ZNF184: variants seen among roughly 807,000 people sequenced by gnomAD.
ZNF184 encodes zinc finger protein 184, also known as zinc finger protein 184 (Kruppel-like).
In ZNF184, 16 loss-of-function variants were observed where a neutral mutation model predicts 54.4. The ratio of observed to expected loss-of-function variants is 0.29; its 90% CI spans 0.20 to 0.45. The LOEUF (loss-of-function observed/expected upper bound fraction) is 0.45. Among genes scored for constraint, ZNF184 ranks in the 20% least tolerant of loss-of-function variants. The pLI is 1.00. For missense variants in ZNF184, 681 were observed against 888.2 expected, an observed-to-expected ratio of 0.77 and a Z score of 2.97; for synonymous variants, 254 against 295.3, an observed-to-expected ratio of 0.86 and a Z score of 1.43.
At chr6:27,424,023 C>T in the ZNF184 span, among the ~76,000 whole-genome samples, 15,251 of 152,058 alleles carry the variant, frequency 0.1, 1,042 homozygotes, top group African/African-American at 0.18. Context: ...AGAATGAAGC[C>T]ACGAACCCTC....
chr6:27,406,241 C>G, the ZNF184 span: 2 of 152,300 alleles, frequency 1.3e-5, no homozygotes, highest in South Asian at 4.1e-4. Flanking sequence ...GTTCTGTTGT[C>G]AAACGGTCCA....
chr6:27,438,296 T>C, the ZNF184 span, among the ~76,000 whole-genome samples: 1 of 152,226 alleles, frequency 6.6e-6, no homozygotes, highest in African/African-American at 2.4e-5. Flanking sequence ...AATTATATTA[T>C]ATTTGTATCT....
rs1762781170 is a variant in ZNF184, at chr6:27,453,305, A to G, written c.299-45T>C. 6.7e-7 allele frequency: 1 copy of G among 1,493,136 alleles called. No homozygotes were observed. Among genetic ancestry groups the G allele is most frequent in the Non-Finnish European group, 8.9e-7 (1 of 1,119,228 alleles). 92.5% of individuals were successfully genotyped at this position (1,493,136 alleles called of 1,614,324 possible). On this transcript the variant is annotated intron_variant, in intron 5 of 5. Coordinates refer to ENST00000683788, the MANE Select transcript of ZNF184 (RefSeq NM_001318891.2). This position sits in a 1 kb window ranked among gnomAD's most constrained non-coding sequence, Gnocchi z 4.7. ...CCAGTGTTCTCTGAATAGAGAAAAA[A>G]TAAACTGCTATTGTGGGAATAATAT... is the stretch of plus-strand genomic sequence containing the variant.
At chr6:27,468,815 A>T (rs1354525164) in intron 2 of ZNF184, among the ~76,000 whole-genome samples, 2 of 152,176 alleles carry the variant, frequency 1.3e-5, no homozygotes, top group Non-Finnish European at 2.9e-5. Flanking sequence ...AACCAACCAA[A>T]CTGATCTACA....
the ZNF184 span, among the ~76,000 whole-genome samples, chr6:27,422,144 A>AG: frequency 7.1e-5 from 3 of 42,306 alleles, no homozygotes; most frequent in African/African-American, 1.1e-4. Context: ...GTACCTCAAA[A>AG]AAAAAAAGAA....
In ZNF184 at chr6:27,451,682, C is replaced by T; in HGVS notation, c.1877G>A (p.Cys626Tyr). 1 of 1,613,978 alleles carries T rather than the reference C, an allele frequency of 6.2e-7. No homozygotes were observed. Among genetic ancestry groups the T allele is most frequent in the South Asian group, 1.1e-5 (1 of 91,062 alleles). The change falls in exon 6 of 6, where the codon TGT (cysteine) becomes TAT (tyrosine). Residue 626 changes from cysteine to tyrosine, a missense_variant. Coordinates refer to ENST00000683788, the MANE Select transcript of ZNF184 (RefSeq NM_001318891.2). ...TTTTTGATGTTGAGCAAGAGATGAACAATGTCGAAAGGCTTTACCACACTC... is the reference window on the plus strand; with the variant it reads ...TTTTTGATGTTGAGCAAGAGATGAATAATGTCGAAAGGCTTTACCACACTC... The part of the protein sequence containing the change: ...CAECGKAFRH[C>Y]SSLAQHQKTH...
In ZNF184 at chr6:27,472,818, C is replaced by G. The variant is rs1309054648; in HGVS notation, c.-229G>C. ...TTAGGCCAGAACAAAAGAACAAAGC[C>G]CTCCAAGGGATCAGGGCGGGACCGC... On this transcript the variant is annotated 5_prime_UTR_variant, in exon 1 of 6. Transcript: ENST00000683788. This position sits in a 1 kb window ranked among gnomAD's most constrained non-coding sequence, Gnocchi z 4.8. 6.5e-6 allele frequency: 1 copy of G among 153,324 alleles called. No homozygotes were observed. Among genetic ancestry groups the G allele is most frequent in the Non-Finnish European group, 1.5e-5 (1 of 68,708 alleles). The allele number at this position is 153,324 out of a possible 1,614,324, so 9.5% of individuals were successfully genotyped here. A position where few individuals can be genotyped will look rare whatever the true frequency, so the allele number is the denominator to read the frequency against.
chr6:27,449,786 T>C (rs1344592501), downstream of ZNF184, among the ~76,000 whole-genome samples: 1 of 152,094 alleles, frequency 6.6e-6, no homozygotes, highest in Non-Finnish European at 1.5e-5. Context: ...TTAACTTTGC[T>C]CTACTCTCTC....
chr6:27,422,180 G>GAAAGAAAGAAAGAA, the ZNF184 span, among the ~76,000 whole-genome samples: 1 of 27,644 alleles, frequency 3.6e-5, no homozygotes, highest in Admixed American at 4.9e-4. Context: ...AAGAAAGAAA[G>GAAAGAAAGAAAGAA]AAAGAAAGAA....
rs917275639 is a variant in ZNF184, at chr6:27,457,507, T to C, written c.76-98A>G. ...CAGAAGTAAGGCAGTCTATAGGATGTCTGCAAAATAATCTTGACATTTTCT... is the reference window on the plus strand; with the variant it reads ...CAGAAGTAAGGCAGTCTATAGGATGCCTGCAAAATAATCTTGACATTTTCT... On this transcript the variant is annotated intron_variant, in intron 3 of 5. Transcript: ENST00000683788. 1.5e-5 allele frequency: 19 copies of C among 1,307,468 alleles called. No individual in the cohort carries two copies. The African/African-American group carries it at 2.4e-4, about 16-fold the overall frequency. The allele number at this position is 1,307,468 out of a possible 1,614,324, so 81.0% of individuals were successfully genotyped here.
rs1561834240 is a variant in ZNF184 at position 27,451,306 on chromosome 6, T to C, written c.2253A>G (p.Ile751Met). 1 of 1,583,636 alleles carries C rather than the reference T, an allele frequency of 6.3e-7. No homozygotes were observed. The highest frequency in any genetic ancestry group is 8.6e-7 in the Non-Finnish European group (1 of 1,165,802). ...LNKHQRLHPGI is the reference protein window; with the variant it reads ...LNKHQRLHPGM ...ATTTATGATGTTCCTAGAATTGTCA[T>C]ATGCCAGGATGCAGTCTCTGATGTT... The change falls in exon 6 of 6, where the codon ATA becomes ATG. Residue 751 changes from isoleucine to methionine, a missense_variant. By Grantham distance (10) the Ile-to-Met change is conservative (BLOSUM62 1). Coordinates refer to ENST00000683788, the MANE Select transcript of ZNF184 (RefSeq NM_001318891.2).
chr6:27,414,985 T>C, the ZNF184 span, among the ~76,000 whole-genome samples: 8 of 152,184 alleles, frequency 5.3e-5, no homozygotes, highest in Non-Finnish European at 1.2e-4. Flanking sequence ...GGCTGTTTCC[T>C]AAAATGTAAA....
the ZNF184 span, among the ~76,000 whole-genome samples, chr6:27,432,983 G>A: frequency 3.3e-5 from 5 of 152,306 alleles, no homozygotes; most frequent in East Asian, 9.6e-4. This position sits in a 1 kb window ranked among gnomAD's most constrained non-coding sequence, Gnocchi z 4.0. Flanking sequence ...TTTGGCCTAT[G>A]GCAAAACTAG....
At chr6:27,409,510 A>C in the ZNF184 span, among the ~76,000 whole-genome samples, 3 of 139,930 alleles carry the variant, frequency 2.1e-5, no homozygotes, top group Non-Finnish European at 3.0e-5. Context: ...AAAAAAAAAA[A>C]AAAAAAAAAA....
chr6:27,424,730 G>A, the ZNF184 span, among the ~76,000 whole-genome samples: 4 of 152,274 alleles, frequency 2.6e-5, no homozygotes, highest in South Asian at 8.3e-4. Context: ...GGTTCTCCAC[G>A]TCCCCACCAG....
chr6:27,447,715 A>C (rs941742937), downstream of ZNF184, among the ~76,000 whole-genome samples: 1 of 152,194 alleles, frequency 6.6e-6, no homozygotes, highest in African/African-American at 2.4e-5. Context: ...CTCTGTCTCA[A>C]AAAAACAAAC....
At chr6:27,445,806 CTAGAG>C (rs1762630462), downstream of ZNF184, among the ~76,000 whole-genome samples, 1 of 150,052 alleles carries the variant, frequency 6.7e-6, no homozygotes, top group East Asian at 2.0e-4. Flanking sequence ...GTATTGGAAA[CTAGAG>C]TAAAGGCCAT....
intron 5 of ZNF184, among the ~76,000 whole-genome samples, chr6:27,454,847 T>C (rs1040019698): frequency 6.6e-6 from 1 of 152,206 alleles, no homozygotes; most frequent in Non-Finnish European, 1.5e-5. Context: ...ACATTGACTA[T>C]ACTATTCTGA....
chr6:27,456,991 A>T, intron 4 of ZNF184, 70 bp from the exon 5 acceptor site: 1 of 1,388,738 alleles, frequency 7.2e-7, no homozygotes, highest in Non-Finnish European at 1.0e-6. Flanking sequence ...TTCAATCACC[A>T]CTTTGTCTTT....
Sources: allele counts gnomAD v4.1 joint callset (sites outside exome capture counted in the v4.1 genomes callset), GRCh38; gene constraint gnomAD v4.1.1; non-coding constraint Gnocchi (gnomAD v3.1); transcripts MANE v1.5; gene names NCBI Gene and HGNC (gene_info 2026-07-23, HGNC 2026-07-21).